POTEF: variants seen among roughly 807,000 people sequenced by gnomAD.
The protein encoded by POTEF is ANKRD26-like family C member 1B.
POTEF carries 20 observed loss-of-function variants against 83.2 expected under a neutral mutation model. The observed-to-expected ratio is 0.24, with a 90% CI of 0.17 to 0.35. The LOEUF is 0.35. POTEF is among the 10% of genes least tolerant of loss of function. POTEF has a pLI of 1.00. For synonymous variants in POTEF, 196 were observed against 446.4 expected (o/e 0.44, Z 7.07); for missense variants, 550 against 1,203.2 (o/e 0.46, Z 8.03).
intron 9 of POTEF, among the ~76,000 whole-genome samples, chr2:130,101,457 T>TCTG (rs1036951135): frequency 1.3e-5 from 2 of 148,266 alleles, no homozygotes; most frequent in Admixed American, 6.7e-5. Flanking sequence ...AAGGTTCCAT[T>TCTG]CTGCAAGATA....
At chr2:130,119,087 A>G (rs1459368626) in intron 3 of POTEF, among the ~76,000 whole-genome samples, 3 of 151,958 alleles carry the variant, frequency 2.0e-5, no homozygotes, top group Non-Finnish European at 4.4e-5. Context: ...AAAAGACAGC[A>G]TGTGTAATTT....
chr2:130,111,677 C>G (rs1027201335), intron 6 of POTEF, among the ~76,000 whole-genome samples: 2 of 150,740 alleles, frequency 1.3e-5, no homozygotes, highest in African/African-American at 5.0e-5. Flanking sequence ...AAGTTCAATA[C>G]TGAGTCATAA....
At chr2:130,102,770 A>C (rs1684409088) in intron 8 of POTEF, among the ~76,000 whole-genome samples, 1 of 151,598 alleles carries the variant, frequency 6.6e-6, no homozygotes, top group Non-Finnish European at 1.5e-5. Context: ...ATGCAGCTGC[A>C]AGGTCATAAG....
chr2:130,097,023 T>A (rs1343076780), intron 11 of POTEF, among the ~76,000 whole-genome samples: 1 of 142,720 alleles, frequency 7.0e-6, no homozygotes, highest in Non-Finnish European at 1.5e-5. Context: ...AGGAGAAAGA[T>A]GAGGAGGAGC....
chr2:130,126,581 T>C (rs1240567916), intron 2 of POTEF, among the ~76,000 whole-genome samples: 1 of 152,116 alleles, frequency 6.6e-6, no homozygotes, highest in African/African-American at 2.4e-5. Context: ...AATCAAACCT[T>C]CTAATGACCT....
intron 15 of POTEF, among the ~76,000 whole-genome samples, chr2:130,078,378 G>A (rs1376746392): frequency 1.1e-5 from 1 of 89,500 alleles, no homozygotes; most frequent in Non-Finnish European, 2.4e-5. Context: ...GAAGTACCTA[G>A]GAATATACTT....
At chr2:130,128,371 C>T (rs1685149968) in intron 1 of POTEF, among the ~76,000 whole-genome samples, 1 of 151,896 alleles carries the variant, frequency 6.6e-6, no homozygotes, top group Non-Finnish European at 1.5e-5. Flanking sequence ...AGAAGAGTCA[C>T]CCGAAGGAGC....
intron 15 of POTEF, among the ~76,000 whole-genome samples, chr2:130,083,868 TA>T (rs1194754425): frequency 2.9e-5 from 2 of 69,646 alleles, no homozygotes; most frequent in African/African-American, 1.5e-4. Context: ...CTAAAGGTTA[TA>T]AAAATTATAC....
At chr2:130,096,410 A>AT in intron 11 of POTEF, among the ~76,000 whole-genome samples, 1 of 120,950 alleles carries the variant, frequency 8.3e-6, no homozygotes, top group Non-Finnish European at 1.7e-5. Context: ...TGACAATGAC[A>AT]TTTTTGGCAG....
rs763898974 is a variant in POTEF, at chr2:130,075,330, A to T, written c.2142T>A (p.Ser714=). 10 of 1,612,548 alleles carry T rather than the reference A, an allele frequency of 6.2e-6. No individual in the cohort carries two copies. Among genetic ancestry groups the T allele is most frequent in the Middle Eastern group, 2.0e-4 (1 of 5,128 alleles). Residue 714 remains serine (S), a synonymous_variant, in exon 17 of 17, where the codon TCT becomes TCA. Coordinates refer to ENST00000409914, the MANE Select transcript of POTEF (RefSeq NM_001099771.2). ...CCGCAAAGCCGGCCTTGCACATGCCAGAGCCGTTGTCAATGACGAGCACAG... is the reference window on the plus strand; with the variant it reads ...CCGCAAAGCCGGCCTTGCACATGCCTGAGCCGTTGTCAATGACGAGCACAG... ...DTAVLVIDNG[S]GMCKAGFAGD...
At chr2:130,109,385 T>C (rs1444483851) in intron 7 of POTEF, 13 of 143,724 alleles carry the variant, frequency 9.0e-5, no homozygotes, top group Admixed American at 4.9e-4. Context: ...ACTAACCTAC[T>C]TGAGATTCTG....
chr2:130,075,792 A>T (rs1489824191), intron 16 of POTEF, among the ~76,000 whole-genome samples: 4 of 145,850 alleles, frequency 2.7e-5, no homozygotes, highest in Non-Finnish European at 4.5e-5. Flanking sequence ...AACTTTTAGG[A>T]ATCTGCTCCT....
chr2:130,121,122 G>GTGC (rs1558896926), intron 2 of POTEF, among the ~76,000 whole-genome samples: 8 of 151,630 alleles, frequency 5.3e-5, no homozygotes, highest in Admixed American at 3.3e-4. Context: ...GTGTGCGCGC[G>GTGC]GCGTGCGCGT....
rs562060023 is a variant in POTEF at position 130,114,643 on chromosome 2, T to G, written c.810+238A>C. Among the ~76,000 whole-genome samples the G allele has an allele frequency of 1.9e-4, 28 of 150,932 alleles. 1 individual carries two copies. The South Asian group carries it at 4.0e-3, about 22-fold the overall frequency. Reference sequence around the variant, plus strand: ...AATAGTAAGTATTATCTTTTACAAATTCAGTGTTTTCAAAAAAAGTATTTA... The same window carrying G: ...AATAGTAAGTATTATCTTTTACAAAGTCAGTGTTTTCAAAAAAAGTATTTA... On this transcript the variant is annotated intron_variant, in intron 5 of 16. Coordinates refer to ENST00000409914, the MANE Select transcript of POTEF (RefSeq NM_001099771.2).
At chr2:130,126,292 A>C in intron 2 of POTEF, among the ~76,000 whole-genome samples, 1 of 133,766 alleles carries the variant, frequency 7.5e-6, no homozygotes, top group South Asian at 2.6e-4. Flanking sequence ...AACAAGAGCA[A>C]AACTCCATCT....
chr2:130,098,177 CAG>C (rs1261932781), intron 11 of POTEF, among the ~76,000 whole-genome samples: 1 of 94,284 alleles, frequency 1.1e-5, no homozygotes, highest in Non-Finnish European at 2.0e-5. Context: ...GCCTGGGAAA[CAG>C]AGTGAGACCC....
intron 2 of POTEF, among the ~76,000 whole-genome samples, chr2:130,121,091 C>G (rs1684991642): frequency 6.6e-6 from 1 of 151,832 alleles, no homozygotes; most frequent in African/African-American, 2.4e-5. Context: ...CCGTTACAAG[C>G]CAGCCAAGCT....
chr2:130,107,881 T>C lies in POTEF; in HGVS notation c.1126+128A>G, dbSNP rs1226440731. 21 of 804,386 alleles carry C rather than the reference T, an allele frequency of 2.6e-5. No individual in the cohort carries two copies. In the Admixed American group the frequency reaches 3.2e-4, roughly 12 times the overall value. The allele number at this position is 804,386 out of a possible 1,614,324, so 49.8% of individuals were successfully genotyped here. A position where few individuals can be genotyped will look rare whatever the true frequency, so the allele number is the denominator to read the frequency against. On this transcript the variant is annotated intron_variant, in intron 8 of 16. Coordinates refer to ENST00000409914, the MANE Select transcript of POTEF (RefSeq NM_001099771.2). Reference sequence around the variant, plus strand: ...AAGTAGCACAATAAATGTAACATGATTGAATAATCCTGAAACCATCCCCAC... The same window carrying C: ...AAGTAGCACAATAAATGTAACATGACTGAATAATCCTGAAACCATCCCCAC...
At chr2:130,114,069 G>C (rs922637023) in intron 5 of POTEF, among the ~76,000 whole-genome samples, 11 of 151,862 alleles carry the variant, frequency 7.2e-5, no homozygotes, top group African/African-American at 1.7e-4. Flanking sequence ...TACCAGAATA[G>C]GATACTAAGT....
Sources: allele counts gnomAD v4.1 joint callset (sites outside exome capture counted in the v4.1 genomes callset), GRCh38; gene constraint gnomAD v4.1.1; transcripts MANE v1.5; gene names NCBI Gene and HGNC (gene_info 2026-07-23, HGNC 2026-07-21).